HS3ST5: variants seen among roughly 807,000 people sequenced by gnomAD.
HS3ST5 encodes heparan sulfate glucosamine 3-O-sulfotransferase 5.
A neutral mutation model predicts 25.4 loss-of-function variants in HS3ST5; 10 were observed. The observed-to-expected ratio is 0.39, with a 90% CI of 0.24 to 0.67. HS3ST5 has a LOEUF of 0.67. Among genes scored for constraint, HS3ST5 ranks in the 30% least tolerant of loss-of-function variants. The pLI is 0.44. For synonymous variants in HS3ST5, 170 were observed against 162.4 expected, an observed-to-expected ratio of 1.05 and a Z score of -0.36; for missense variants, 324 against 420.7, an observed-to-expected ratio of 0.77 and a Z score of 2.01.
chr6:114,062,894 C>T lies in HS3ST5; in HGVS notation c.-32-17G>A, dbSNP rs1351343381. The T allele has an allele frequency of 2.9e-6, 4 of 1,399,986 alleles. No individual in the cohort carries two copies. In the South Asian group the frequency reaches 3.5e-5, roughly 12 times the overall value. 86.7% of individuals were successfully genotyped at this position (1,399,986 alleles called of 1,614,324 possible). On this transcript the variant is annotated splice_polypyrimidine_tract_variant and intron_variant, in intron 3 of 4. Coordinates refer to ENST00000312719, the MANE Select transcript of HS3ST5 (RefSeq NM_153612.4). Reference sequence around the variant, plus strand: ...TGCTGCAGCCTGCGATAGAAGGACTCATCAGCAGCCATCTCTTAGAGGCTC... The same window carrying T: ...TGCTGCAGCCTGCGATAGAAGGACTTATCAGCAGCCATCTCTTAGAGGCTC...
intron 3 of HS3ST5, among the ~76,000 whole-genome samples, chr6:114,164,872 T>G (rs1413223460): frequency 6.6e-6 from 1 of 152,216 alleles, no homozygotes; most frequent in Admixed American, 6.5e-5. Context: ...CCATTTTTAC[T>G]ATCATAATAA....
At chr6:114,160,168 C>T (rs1033619808) in intron 3 of HS3ST5, among the ~76,000 whole-genome samples, 2 of 152,180 alleles carry the variant, frequency 1.3e-5, no homozygotes, top group South Asian at 2.1e-4. Flanking sequence ...CAGCAATAGG[C>T]GTGCATTTGC....
chr6:114,119,085 T>A (rs114977671), intron 3 of HS3ST5, among the ~76,000 whole-genome samples: 1 of 152,212 alleles, frequency 6.6e-6, no homozygotes, highest in Non-Finnish European at 1.5e-5. Flanking sequence ...TTCACCTGAT[T>A]CAAAAAGAAC....
intron 3 of HS3ST5, among the ~76,000 whole-genome samples, chr6:114,100,918 G>A (rs1218396515): frequency 6.6e-6 from 1 of 152,226 alleles, no homozygotes; most frequent in Non-Finnish European, 1.5e-5. Context: ...TGCTAGCTAA[G>A]AGTCATAGCT....
chr6:114,178,098 A>C (rs1367087264), intron 2 of HS3ST5, among the ~76,000 whole-genome samples: 1 of 152,170 alleles, frequency 6.6e-6, no homozygotes, highest in Non-Finnish European at 1.5e-5. Context: ...TTCTTTAAGC[A>C]TACAAGGATA....
chr6:114,285,969 C>G (rs1700987204), intron 1 of HS3ST5, among the ~76,000 whole-genome samples: 1 of 151,686 alleles, frequency 6.6e-6, no homozygotes, highest in Admixed American at 6.6e-5. Context: ...GCAGTCTGAT[C>G]CCATTTATTA....
chr6:114,115,432 A>T (rs544709003), intron 3 of HS3ST5, among the ~76,000 whole-genome samples: 1 of 152,112 alleles, frequency 6.6e-6, no homozygotes, highest in Admixed American at 6.6e-5. Context: ...AGTCTCTGTT[A>T]GCTTGGTCTA....
chr6:114,110,062 A>G (rs1409192724), intron 3 of HS3ST5, among the ~76,000 whole-genome samples: 1 of 152,170 alleles, frequency 6.6e-6, no homozygotes, highest in Non-Finnish European at 1.5e-5. Flanking sequence ...GGACCCAGAA[A>G]CGATGGACTA....
chr6:114,172,530 A>G (rs185797267), intron 2 of HS3ST5, among the ~76,000 whole-genome samples: 8 of 152,348 alleles, frequency 5.3e-5, no homozygotes, highest in Admixed American at 5.2e-4. Context: ...TTGAGGAGCT[A>G]GAATAGGTAA....
At chr6:114,257,598 A>G (rs1772988232) in intron 1 of HS3ST5, among the ~76,000 whole-genome samples, 1 of 152,162 alleles carries the variant, frequency 6.6e-6, no homozygotes, top group African/African-American at 2.4e-5. Flanking sequence ...AGAAACTTAT[A>G]CTAAGAATAC....
At chr6:114,323,312 T>C (rs893212483) in intron 1 of HS3ST5, among the ~76,000 whole-genome samples, 1 of 152,176 alleles carries the variant, frequency 6.6e-6, no homozygotes, top group African/African-American at 2.4e-5. Context: ...TAATGATATG[T>C]AAAATTATTA....
chr6:114,328,680 C>T (rs1233923928), intron 1 of HS3ST5, among the ~76,000 whole-genome samples: 1 of 152,194 alleles, frequency 6.6e-6, no homozygotes, highest in Non-Finnish European at 1.5e-5. Context: ...TAACGCTAAA[C>T]ATGTAATAAT....
intron 2 of HS3ST5, among the ~76,000 whole-genome samples, chr6:114,184,437 G>T (rs561560390): frequency 6.6e-6 from 1 of 152,222 alleles, no homozygotes; most frequent in South Asian, 2.1e-4. Context: ...ATGAACCATG[G>T]ACTTAATTAA....
chr6:114,160,433 T>G (rs2114980648), intron 3 of HS3ST5, among the ~76,000 whole-genome samples: 1 of 152,134 alleles, frequency 6.6e-6, no homozygotes, highest in East Asian at 1.9e-4. Context: ...AAAGAAAAAC[T>G]TGAGATCTCA....
intron 3 of HS3ST5, among the ~76,000 whole-genome samples, chr6:114,156,821 G>C (rs1778720198): frequency 6.6e-6 from 1 of 151,760 alleles, no homozygotes; most frequent in Non-Finnish European, 1.5e-5. Context: ...TGTTCTTTGA[G>C]GTTTCTCTTC....
intron 1 of HS3ST5, among the ~76,000 whole-genome samples, chr6:114,234,619 T>C (rs1771768135): frequency 6.6e-6 from 1 of 152,116 alleles, no homozygotes; most frequent in African/African-American, 2.4e-5. Context: ...AAATAAAAAA[T>C]AAGATTAACG....
intron 1 of HS3ST5, chr6:114,238,959 C>G (rs1334936579): frequency 6.6e-6 from 1 of 152,158 alleles, no homozygotes. Flanking sequence ...ATTTCTGTTT[C>G]TAAATATTTT....
chr6:114,268,513 A>C (rs1388070114), intron 1 of HS3ST5, among the ~76,000 whole-genome samples: 1 of 152,196 alleles, frequency 6.6e-6, no homozygotes, highest in Non-Finnish European at 1.5e-5. Flanking sequence ...CAACAAGAAG[A>C]GACATGTGTA....
chr6:114,317,440 A>G (rs1396502561), intron 1 of HS3ST5, among the ~76,000 whole-genome samples: 2 of 152,176 alleles, frequency 1.3e-5, no homozygotes, highest in African/African-American at 4.8e-5. Context: ...GCTAACTGAA[A>G]TGTGAAGGAA....
Sources: allele counts gnomAD v4.1 joint callset (sites outside exome capture counted in the v4.1 genomes callset), GRCh38; gene constraint gnomAD v4.1.1; transcripts MANE v1.5; gene names NCBI Gene and HGNC (gene_info 2026-07-23, HGNC 2026-07-21).